Variants in ARHGAP24 observed in about 807,000 individuals in gnomAD.
ARHGAP24 encodes Rho GTPase activating protein 24.
Under a neutral mutation model 76.4 loss-of-function variants are expected in ARHGAP24, and 50 were observed. The observed-to-expected ratio is 0.65, with a 90% CI of 0.52 to 0.83. The LOEUF (loss-of-function observed/expected upper bound fraction) is 0.83, where lower values mean the gene tolerates loss of function less well. Among genes scored for constraint, ARHGAP24 ranks in the 40% least tolerant of loss-of-function variants. The pLI is 0.00. For missense variants in ARHGAP24, 930 were observed against 914.2 expected (o/e 1.02, Z -0.22); for synonymous variants, 345 against 323.3 (o/e 1.07, Z -0.72).
chr4:85,716,664 G>A (rs1453962932), intron 2 of ARHGAP24, among the ~76,000 whole-genome samples: 1 of 152,046 alleles, frequency 6.6e-6, no homozygotes, highest in Non-Finnish European at 1.5e-5. Flanking sequence ...ATTCCAGCAA[G>A]TAATTGATAG....
Position 86,001,669 on chromosome 4 carries a change from C to A in ARHGAP24, c.*947C>A. On this transcript the variant is annotated 3_prime_UTR_variant, in exon 10 of 10. Coordinates refer to ENST00000395184, the MANE Select transcript of ARHGAP24 (RefSeq NM_001025616.3). The stretch of plus-strand genomic sequence containing the variant: ...TGTCTCCCACTCAAACCTCTCCCAT[C>A]TCCCAACAACTGCACTTTAGAATAC... 1 of 377,492 alleles carries A rather than the reference C, an allele frequency of 2.6e-6. No homozygotes were observed. Among genetic ancestry groups the A allele is most frequent in the Non-Finnish European group, 4.7e-6 (1 of 213,506 alleles). The allele number at this position is 377,492 out of a possible 1,614,324, so 23.4% of individuals were successfully genotyped here. A position where few individuals can be genotyped will look rare whatever the true frequency, so the allele number is the denominator to read the frequency against.
At chr4:85,889,151 A>G (rs539199826) in intron 3 of ARHGAP24, among the ~76,000 whole-genome samples, 1 of 152,334 alleles carries the variant, frequency 6.6e-6, no homozygotes, top group East Asian at 1.9e-4. Flanking sequence ...CAAGAGAATG[A>G]ATATCCCACA....
chr4:85,851,068 T>C (rs529229817), intron 3 of ARHGAP24, among the ~76,000 whole-genome samples: 1 of 152,288 alleles, frequency 6.6e-6, no homozygotes, highest in South Asian at 2.1e-4. Context: ...CTCCCATTAT[T>C]ATTGTGCGGG....
At chr4:85,807,740 C>T (rs1160749039) in intron 3 of ARHGAP24, among the ~76,000 whole-genome samples, 1 of 152,188 alleles carries the variant, frequency 6.6e-6, no homozygotes, top group East Asian at 1.9e-4. Context: ...CCCAGAGGCG[C>T]AGGGGCTGAC....
chr4:85,641,946 C>T (rs1255904731), intron 2 of ARHGAP24, among the ~76,000 whole-genome samples: 2 of 152,044 alleles, frequency 1.3e-5, no homozygotes, highest in Non-Finnish European at 2.9e-5. Flanking sequence ...TTTGATTGGA[C>T]AAGAAGGGCG....
At chr4:85,996,974 T>C (rs1740699089) in intron 9 of ARHGAP24, among the ~76,000 whole-genome samples, 1 of 152,164 alleles carries the variant, frequency 6.6e-6, no homozygotes, top group Non-Finnish European at 1.5e-5. Flanking sequence ...CTGATGCATA[T>C]ATGTTCTGAG....
At position 85,626,589 on chromosome 4, in the gene ARHGAP24, A is replaced by G. The variant is rs573479590; in HGVS notation, c.180+55868A>G. 6.8e-4 allele frequency among the ~76,000 whole-genome samples: 104 copies of G among 152,098 alleles called. 1 individual carries two copies. The highest frequency in any genetic ancestry group is 9.4e-4 in the Non-Finnish European group (64 of 68,016). On this transcript the variant is annotated intron_variant, in intron 2 of 9. Transcript: ENST00000395184. ...TCTTCTCGAGGAGTAATTTTGTGGCATTCTCTGTATTTCCTGAATCTGAAT... is the reference window on the plus strand; with the variant it reads ...TCTTCTCGAGGAGTAATTTTGTGGCGTTCTCTGTATTTCCTGAATCTGAAT...
At chr4:85,975,770 A>G (rs2148854892) in intron 7 of ARHGAP24, 1 of 152,370 alleles carries the variant, frequency 6.6e-6, no homozygotes, top group East Asian at 1.9e-4. Context: ...AATTGAGTAC[A>G]GTGCATCATT....
chr4:85,587,433 A>T (rs562776332), intron 2 of ARHGAP24, among the ~76,000 whole-genome samples: 117 of 152,346 alleles, frequency 7.7e-4, no homozygotes, highest in African/African-American at 2.8e-3. Flanking sequence ...AAAAGAAAAA[A>T]GCATCATCTA....
rs1424381803 is a variant in ARHGAP24 at position 85,888,830 on chromosome 4, G to A, written c.269-34818G>A. 2.6e-5 allele frequency among the ~76,000 whole-genome samples: 4 copies of A among 152,024 alleles called. No homozygotes were observed. In the East Asian group the frequency reaches 7.7e-4, roughly 29 times the overall value. ...GTGTTGTTCCACTCTACGTGTCCATGTGTTCTCATTATTTAGCTCCCACTT... is the reference window on the plus strand; with the variant it reads ...GTGTTGTTCCACTCTACGTGTCCATATGTTCTCATTATTTAGCTCCCACTT... On this transcript the variant is annotated intron_variant, in intron 3 of 9. Transcript: ENST00000395184.
rs114077704 is a variant in ARHGAP24, at chr4:85,475,989, T to G, written c.-21+430T>G. 8.8e-3 allele frequency among the ~76,000 whole-genome samples: 1,334 copies of G among 150,796 alleles called. 19 individuals are homozygous for G. The highest frequency in any genetic ancestry group is 0.031 in the African/African-American group (1,280 of 41,222). ...TGTAACAGGCGCACAAAGATAGGTT[T>G]TAATAATAAGCATATATATTTGCAA... On this transcript the variant is annotated intron_variant, in intron 1 of 9. Transcript: ENST00000395184.
rs1368369207 is a variant in ARHGAP24, at chr4:85,749,311, C to A, written c.268+27339C>A. 2.0e-5 allele frequency among the ~76,000 whole-genome samples: 3 copies of A among 152,182 alleles called. No individual in the cohort carries two copies. In the East Asian group the frequency reaches 5.8e-4, roughly 29 times the overall value. ...TGGAATTCAGAAAACATTTCCTGTG[C>A]CAACTATGTTATTCCATATTGTTAT... On this transcript the variant is annotated intron_variant, in intron 3 of 9. Coordinates refer to ENST00000395184, the MANE Select transcript of ARHGAP24 (RefSeq NM_001025616.3).
At chr4:85,916,255 G>A (rs1416620559) in intron 3 of ARHGAP24, among the ~76,000 whole-genome samples, 2 of 152,010 alleles carry the variant, frequency 1.3e-5, no homozygotes, top group Non-Finnish European at 2.9e-5. Context: ...CCACTTTTTG[G>A]TGGGGTTGTT....
chr4:85,575,907 C>T (rs1727350851), intron 2 of ARHGAP24, among the ~76,000 whole-genome samples: 2 of 152,180 alleles, frequency 1.3e-5, no homozygotes, highest in African/African-American at 4.8e-5. Flanking sequence ...TCTGAAACTC[C>T]TGATAAAATG....
chr4:85,500,517 T>C (rs1723761783), intron 1 of ARHGAP24, among the ~76,000 whole-genome samples: 1 of 152,366 alleles, frequency 6.6e-6, no homozygotes, highest in East Asian at 1.9e-4. Flanking sequence ...GAGGACTGTA[T>C]AAATGTTTAC....
In ARHGAP24 at chr4:85,848,301, T is replaced by C. The variant is rs141203365; in HGVS notation, c.269-75347T>C. 1.2e-3 allele frequency among the ~76,000 whole-genome samples: 184 copies of C among 152,292 alleles called. 1 individual carries two copies. In the South Asian group the frequency reaches 0.013, roughly 10 times the overall value. On this transcript the variant is annotated intron_variant, in intron 3 of 9. Coordinates refer to ENST00000395184, the MANE Select transcript of ARHGAP24 (RefSeq NM_001025616.3). ...TGCACCCATTAACTCGTCATTTACATTAGGTATTTCTCCTAATGCTATCCC... is the reference window on the plus strand; with the variant it reads ...TGCACCCATTAACTCGTCATTTACACTAGGTATTTCTCCTAATGCTATCCC...
intron 3 of ARHGAP24, among the ~76,000 whole-genome samples, chr4:85,750,486 T>C (rs1020271174): frequency 2.1e-4 from 1 of 4,828 alleles, no homozygotes; most frequent in Non-Finnish European, 2.8e-3. Flanking sequence ...TTTTCATTCC[T>C]TTTTTTTTTT....
intron 2 of ARHGAP24, among the ~76,000 whole-genome samples, chr4:85,647,742 G>T (rs1229336899): frequency 6.6e-6 from 1 of 152,028 alleles, no homozygotes; most frequent in African/African-American, 2.4e-5. Context: ...AAACATCAGT[G>T]GTCTTTGCTA....
intron 3 of ARHGAP24, among the ~76,000 whole-genome samples, chr4:85,732,953 C>A (rs1390573367): frequency 2.0e-5 from 3 of 151,322 alleles, no homozygotes; most frequent in South Asian, 4.2e-4. Flanking sequence ...CTGCCTCGGC[C>A]TCCCAAAGTG....
Sources: gnomAD v4.1 joint callset for allele counts (sites outside exome capture counted in the v4.1 genomes callset) on GRCh38, gnomAD v4.1.1 for gene constraint, MANE v1.5 for transcripts, NCBI Gene and HGNC (gene_info 2026-07-23, HGNC 2026-07-21) for gene names.